Variants in IL1RAPL1 observed in about 807,000 individuals in gnomAD.
IL1RAPL1 encodes interleukin 1 receptor accessory protein like 1, also known as interleukin-1 receptor accessory protein-like 1.
A neutral mutation model predicts 48.4 loss-of-function variants in IL1RAPL1; 3 were observed. The ratio of observed to expected loss-of-function variants is 0.06; its 90% confidence interval spans 0.03 to 0.16. The LOEUF is 0.16. Among genes scored for constraint, IL1RAPL1 ranks in the 10% least tolerant of loss-of-function variants. IL1RAPL1 has a pLI of 1.00. For synonymous variants in IL1RAPL1, 185 were observed against 187.7 expected (o/e 0.99, Z 0.12); for missense variants, 349 against 530.6 (o/e 0.66, Z 3.36).
intron 5 of IL1RAPL1, among the ~76,000 whole-genome samples, chrX:29,592,335 A>G (rs774847471): frequency 9.0e-6 from 1 of 111,509 alleles, no homozygotes; most frequent in Admixed American, 9.6e-5. Context: ...CATTAATAAT[A>G]ACCATTAAGA....
chrX:29,553,428 G>A (rs1436781176), intron 5 of IL1RAPL1, among the ~76,000 whole-genome samples: 1 of 111,331 alleles, frequency 9.0e-6, no homozygotes, highest in Non-Finnish European at 1.9e-5. Context: ...TTATACTGGG[G>A]CCCCGTTAGT....
At chrX:29,347,772 A>G (rs1353080226) in intron 3 of IL1RAPL1, among the ~76,000 whole-genome samples, 3 of 111,700 alleles carry the variant, frequency 2.7e-5, no homozygotes, top group African/African-American at 9.8e-5. Context: ...CCAAATTGCC[A>G]GCATAACTAT....
intron 6 of IL1RAPL1, among the ~76,000 whole-genome samples, chrX:29,876,152 A>C (rs763824686): frequency 6.3e-5 from 7 of 111,870 alleles, no homozygotes; most frequent in African/African-American, 2.3e-4. Flanking sequence ...TGTGTCATCC[A>C]GCTTTGTCTC....
chrX:29,378,865 G>T (rs915984696), intron 3 of IL1RAPL1, among the ~76,000 whole-genome samples: 2 of 112,244 alleles, frequency 1.8e-5, no homozygotes, highest in African/African-American at 6.5e-5. Context: ...CATTTATTTT[G>T]TTAGGTATTC....
At chrX:29,926,047 C>T (rs890326495) in intron 8 of IL1RAPL1, among the ~76,000 whole-genome samples, 4 of 106,945 alleles carry the variant, frequency 3.7e-5, no homozygotes, top group African/African-American at 1.0e-4. Flanking sequence ...CTCGCTCTAT[C>T]GCACAGGCTG....
chrX:29,020,636 A>C (rs1926342253), intron 2 of IL1RAPL1, among the ~76,000 whole-genome samples: 1 of 112,026 alleles, frequency 8.9e-6, no homozygotes, highest in Non-Finnish European at 1.9e-5. Context: ...GGTTGACTAT[A>C]GTAGTACAGG....
chrX:29,928,755 C>G (rs1390760748), intron 8 of IL1RAPL1, among the ~76,000 whole-genome samples: 4 of 111,566 alleles, frequency 3.6e-5, no homozygotes, highest in Non-Finnish European at 7.5e-5. Flanking sequence ...AGAGAAATGG[C>G]ACAACTGGGT....
chrX:28,738,879 G>C (rs1012333579), intron 1 of IL1RAPL1, among the ~76,000 whole-genome samples: 1 of 111,240 alleles, frequency 9.0e-6, no homozygotes, highest in Non-Finnish European at 1.9e-5. Context: ...TTTCTGACCA[G>C]GAGTGTTAGT....
At chrX:28,792,842 TATATATATAAAA>T (rs1387787944) in intron 2 of IL1RAPL1, among the ~76,000 whole-genome samples, 1 of 61,090 alleles carries the variant, frequency 1.6e-5, no homozygotes, top group African/African-American at 8.2e-5. Flanking sequence ...TATATATATA[TATATATATAAAA>T]AATAAGGCAA....
intron 2 of IL1RAPL1, among the ~76,000 whole-genome samples, chrX:28,841,373 G>T (rs1251800097): frequency 9.0e-6 from 1 of 110,858 alleles, no homozygotes; most frequent in Non-Finnish European, 1.9e-5. Flanking sequence ...TCTAAAATTA[G>T]AAAGCACACA....
intron 2 of IL1RAPL1, among the ~76,000 whole-genome samples, chrX:29,220,566 A>G (rs748632584): frequency 1.8e-5 from 2 of 112,521 alleles, no homozygotes; most frequent in Non-Finnish European, 3.7e-5. Flanking sequence ...GATTGTGGTT[A>G]CGTGAAAATC....
At chrX:29,626,989 A>C (rs1044635782) in intron 5 of IL1RAPL1, among the ~76,000 whole-genome samples, 3 of 112,460 alleles carry the variant, frequency 2.7e-5, no homozygotes, top group African/African-American at 9.7e-5. Context: ...TTAATTACTC[A>C]TGAGATACTC....
At chrX:29,615,787 T>C (rs1242085863) in intron 5 of IL1RAPL1, among the ~76,000 whole-genome samples, 1 of 112,538 alleles carries the variant, frequency 8.9e-6, no homozygotes, top group East Asian at 2.8e-4. Flanking sequence ...ATTTTAATCA[T>C]AAAAATAATA....
chrX:29,618,265 G>C (rs1233816845), intron 5 of IL1RAPL1, among the ~76,000 whole-genome samples: 2 of 111,655 alleles, frequency 1.8e-5, no homozygotes, highest in African/African-American at 6.5e-5. Context: ...CTCAACAATT[G>C]ATTTCCTTGC....
intron 3 of IL1RAPL1, among the ~76,000 whole-genome samples, chrX:29,311,621 A>T (rs774108046): frequency 1.8e-5 from 2 of 112,379 alleles, no homozygotes; most frequent in East Asian, 5.5e-4. Flanking sequence ...TTTTCATAGA[A>T]ATTAATGTAA....
chrX:28,592,117 T>C (rs1289183674), intron 1 of IL1RAPL1, among the ~76,000 whole-genome samples: 11 of 111,871 alleles, frequency 9.8e-5, no homozygotes. Flanking sequence ...TTTCACTCAG[T>C]ACTCAGTTTT....
intron 5 of IL1RAPL1, among the ~76,000 whole-genome samples, chrX:29,429,896 TGTG>T (rs1439232611): frequency 1.0e-5 from 1 of 95,738 alleles, no homozygotes; most frequent in East Asian, 3.2e-4. Context: ...GTGTGTGTGG[TGTG>T]TGTGTGTGTG....
chrX:28,669,760 T>G (rs1324775014), intron 1 of IL1RAPL1, among the ~76,000 whole-genome samples: 2 of 104,242 alleles, frequency 1.9e-5, no homozygotes, highest in Admixed American at 1.1e-4. Flanking sequence ...CATATATAAT[T>G]TATATATATA....
chrX:29,492,575 C>T (rs571778685), intron 5 of IL1RAPL1, among the ~76,000 whole-genome samples: 2 of 111,950 alleles, frequency 1.8e-5, no homozygotes, highest in African/African-American at 6.5e-5. Flanking sequence ...GTCCTTCTTA[C>T]GTGGCATCAC....
Sources: gnomAD v4.1 joint callset for allele counts (sites outside exome capture counted in the v4.1 genomes callset) on GRCh38, gnomAD v4.1.1 for gene constraint, MANE v1.5 for transcripts, NCBI Gene and HGNC (gene_info 2026-07-23, HGNC 2026-07-21) for gene names.